Variants in USP40 observed in about 807,000 individuals in gnomAD.
USP40 encodes ubiquitin carboxyl-terminal hydrolase 40.
In USP40, 143 loss-of-function variants were observed where a neutral mutation model predicts 166.2. The observed-to-expected ratio is 0.86, with a 90% confidence interval of 0.75 to 0.99. The LOEUF is 0.99. Among genes scored for constraint, USP40 ranks in the 50% least tolerant of loss-of-function variants. USP40 has a pLI of 0.00. For synonymous variants in USP40, 498 were observed against 524.0 expected (o/e 0.95, Z 0.68); for missense variants, 1,444 against 1,479.7 (o/e 0.98, Z 0.40).
At chr2:233,516,816 C>T (rs1485507690) in intron 18 of USP40, among the ~76,000 whole-genome samples, 1 of 151,566 alleles carries the variant, frequency 6.6e-6, no homozygotes, top group Non-Finnish European at 1.5e-5. Context: ...AAGATTGCTG[C>T]CCTGTACTCC....
chr2:233,481,097 T>G, intron 31 of USP40, 106 bp downstream of exon 31: 2 of 1,100,488 alleles, frequency 1.8e-6, no homozygotes, highest in Non-Finnish European at 1.3e-6. Context: ...TTGTGTGCAC[T>G]CTGAATCAAC....
intron 23 of USP40, among the ~76,000 whole-genome samples, chr2:233,497,088 T>C (rs370825157): frequency 6.6e-6 from 1 of 152,128 alleles, no homozygotes; most frequent in Non-Finnish European, 1.5e-5. Flanking sequence ...AGAAACTGAT[T>C]TACAGAAGAT....
chr2:233,486,944 A>C lies in USP40; in HGVS notation c.3198-967T>G, dbSNP rs532789701. On this transcript the variant is annotated intron_variant, in intron 28 of 31. Coordinates refer to ENST00000678225, the MANE Select transcript of USP40 (RefSeq NM_001365479.2). The surrounding 1 kb of genome is among the most constrained non-coding windows in gnomAD (Gnocchi z 4.0). ...GGAGGGGACAGAGGCTGCTGGAGAGAAACAGGAGGGACTAGAGGCCTCCTT... is the reference window on the plus strand; with the variant it reads ...GGAGGGGACAGAGGCTGCTGGAGAGCAACAGGAGGGACTAGAGGCCTCCTT... 1.3e-5 allele frequency among the ~76,000 whole-genome samples: 2 copies of C among 152,268 alleles called. No homozygotes were observed. The highest frequency in any genetic ancestry group is 4.1e-4 in the South Asian group (2 of 4,820).
At chr2:233,559,128 A>C (rs2071355657) in intron 4 of USP40, among the ~76,000 whole-genome samples, 1 of 152,236 alleles carries the variant, frequency 6.6e-6, no homozygotes, top group African/African-American at 2.4e-5. Context: ...TATAGCTATA[A>C]CAGCTCATCA....
chr2:233,514,438 G>A (rs764764905), intron 18 of USP40, among the ~76,000 whole-genome samples: 33 of 152,294 alleles, frequency 2.2e-4, no homozygotes, highest in Admixed American at 8.5e-4. Context: ...AAGAAGTCTT[G>A]GGGGTTAAAG....
In USP40 at chr2:233,562,788, A is replaced by T; in HGVS notation, c.215T>A (p.Leu72His). ...AAACAAACCAAGCTCTTCTGGGCCAAGAGAAAATAGAGCTTCTAAAGAAAA... is the reference window on the plus strand; with the variant it reads ...AAACAAACCAAGCTCTTCTGGGCCATGAGAAAATAGAGCTTCTAAAGAAAA... Reference protein sequence around the residue: ...TPEFREALFSLGPEELGLFED... With the variant: ...TPEFREALFSHGPEELGLFED... Residue 72 changes from leucine to histidine, a missense_variant, in exon 3 of 32, where the codon CTT (leucine) becomes CAT (histidine). Leu to His is a moderately conservative substitution (Grantham distance 99). Transcript: ENST00000678225. 6.5e-7 allele frequency: 1 copy of T among 1,533,638 alleles called. No individual in the cohort carries two copies. The highest frequency in any genetic ancestry group is 8.8e-7 in the Non-Finnish European group (1 of 1,138,268).
intron 11 of USP40, 94 bp from the exon 12 acceptor site, chr2:233,529,606 G>T: frequency 1.4e-6 from 1 of 738,162 alleles, no homozygotes; most frequent in South Asian, 2.3e-5. Context: ...TGTCCTAGGA[G>T]CTAGGAAAGC....
At chr2:233,557,635 G>T (rs565821267) in intron 4 of USP40, among the ~76,000 whole-genome samples, 1 of 152,164 alleles carries the variant, frequency 6.6e-6, no homozygotes, top group South Asian at 2.1e-4. Context: ...AGAGCAGCTG[G>T]GGGGAGGGCC....
chr2:233,535,223 C>G (rs2068850732), intron 10 of USP40, among the ~76,000 whole-genome samples: 1 of 152,170 alleles, frequency 6.6e-6, no homozygotes. Flanking sequence ...ATGGACAGCT[C>G]AAAGAGCCCA....
At chr2:233,549,292 G>C in intron 7 of USP40, 63 bp from the exon 8 acceptor site, 1 of 1,040,214 alleles carries the variant, frequency 9.6e-7, no homozygotes, top group East Asian at 3.0e-5. Flanking sequence ...ATAATCAAAA[G>C]AAAAAATAAT....
At position 233,489,497 on chromosome 2, in the gene USP40, C is replaced by G. The variant is rs2065167495; in HGVS notation, c.3013-14G>C. 2 of 1,571,798 alleles carry G rather than the reference C, an allele frequency of 1.3e-6. No homozygotes were observed. Among genetic ancestry groups the G allele is most frequent in the African/African-American group, 2.7e-5 (2 of 73,664 alleles). ...CAAGGTCATGGCCTAGAAAAAGAAA[C>G]AGACATTTCTCCAACGGTTTTAAAA... On this transcript the variant is annotated splice_polypyrimidine_tract_variant and intron_variant, in intron 26 of 31. Transcript: ENST00000678225.
chr2:233,523,372 C>A lies in USP40; in HGVS notation c.1999G>T (p.Val667Phe), dbSNP rs1559251368. 6.2e-7 allele frequency: 1 copy of A among 1,614,016 alleles called. No individual in the cohort carries two copies. The highest frequency in any genetic ancestry group is 1.7e-5 in the Admixed American group (1 of 60,022). ...KCCQVIESPHVFPANAEVGTV... is the reference protein window; with the variant it reads ...KCCQVIESPHFFPANAEVGTV... ...CCCACTTCTGCATTAGCTGGAAAGA[C>A]ATGTGGAGATTCTATCACCTGACAA... Residue 667 changes from valine to phenylalanine, a missense_variant, in exon 16 of 32, where the codon GTC (valine) becomes TTC (phenylalanine). Transcript: ENST00000678225.
intron 27 of USP40, 27 bp downstream of exon 27, chr2:233,489,338 C>A: frequency 6.5e-7 from 1 of 1,547,756 alleles, no homozygotes; most frequent in Non-Finnish European, 8.8e-7. Context: ...CAGAGAGGGA[C>A]AGTGTTGCGT....
chr2:233,520,915 A>T, intron 17 of USP40, 76 bp downstream of exon 17: 8 of 1,497,148 alleles, frequency 5.3e-6, no homozygotes, highest in Non-Finnish European at 7.2e-6. Context: ...GTTCTGAAAG[A>T]TTAAGGTATT....
intron 4 of USP40, 96 bp downstream of exon 4, chr2:233,559,715 C>A: frequency 6.3e-6 from 5 of 798,802 alleles, no homozygotes; most frequent in Non-Finnish European, 9.5e-6. Flanking sequence ...ATGTTGAGAC[C>A]CTAAGACAAA....
chr2:233,531,357 T>C lies in USP40; in HGVS notation c.1472-1845A>G, dbSNP rs1448421493. Among the ~76,000 whole-genome samples, 5 of 152,370 alleles carry C rather than the reference T, an allele frequency of 3.3e-5. No individual in the cohort carries two copies. The South Asian group carries it at 8.3e-4, about 25-fold the overall frequency. ...TTACTTTATTTCTCCAGGTGAATTT[T>C]AGAATCATTTTATAAATTCTATCCC... On this transcript the variant is annotated intron_variant, in intron 11 of 31. Coordinates refer to ENST00000678225, the MANE Select transcript of USP40 (RefSeq NM_001365479.2).
intron 25 of USP40, among the ~76,000 whole-genome samples, chr2:233,491,729 G>A (rs951815611): frequency 6.6e-6 from 1 of 151,870 alleles, no homozygotes; most frequent in African/African-American, 2.4e-5. Context: ...CCCAGTTCCT[G>A]GTACAATGGG....
chr2:233,565,332 T>C, intron 2 of USP40, 24 bp downstream of exon 2: 1 of 1,478,392 alleles, frequency 6.8e-7, no homozygotes, highest in Non-Finnish European at 9.1e-7. Context: ...ATATTGCTAG[T>C]TAAATGTACG....
At chr2:233,500,312 G>C (rs2065992155) in intron 21 of USP40, among the ~76,000 whole-genome samples, 1 of 152,160 alleles carries the variant, frequency 6.6e-6, no homozygotes, top group Non-Finnish European at 1.5e-5. Context: ...TTTGGGGAAA[G>C]TTCTCCCTTC....
Sources: gnomAD v4.1 joint callset for allele counts (sites outside exome capture counted in the v4.1 genomes callset) on GRCh38, gnomAD v4.1.1 for gene constraint, Gnocchi (gnomAD v3.1) non-coding constraint, MANE v1.5 for transcripts, NCBI Gene and HGNC (gene_info 2026-07-23, HGNC 2026-07-21) for gene names.